MINPP1: variants seen among roughly 807,000 people sequenced by gnomAD.
The protein encoded by MINPP1 is multiple inositol-polyphosphate phosphatase 1.
In MINPP1, 28 loss-of-function variants were observed where a neutral mutation model predicts 46.1. The ratio of observed to expected loss-of-function variants is 0.61; its 90% CI spans 0.45 to 0.83. The LOEUF is 0.83. Ranked by LOEUF, MINPP1 falls within the 40% of genes least tolerant of loss-of-function variation. MINPP1 has a pLI of 0.00. For synonymous variants in MINPP1, 268 were observed against 249.1 expected (o/e 1.08, Z -0.72); for missense variants, 603 against 610.0 (o/e 0.99, Z 0.12).
At position 87,552,320 on chromosome 10, in the gene MINPP1, A is replaced by G; in HGVS notation, c.1306A>G (p.Met436Val). 2 of 1,613,854 alleles carry G rather than the reference A, an allele frequency of 1.2e-6. No individual in the cohort carries two copies. Among genetic ancestry groups the G allele is most frequent in the Non-Finnish European group, 1.7e-6 (2 of 1,179,802 alleles). ...KTPKEQFRVQMLLNEKVLPLA... is the reference protein window; with the variant it reads ...KTPKEQFRVQVLLNEKVLPLA... ...TCCTAAAGAACAATTCCGAGTGCAG[A>G]TGTTATTAAATGAAAAGGTGTTACC... The change falls in exon 5 of 5, where the codon ATG becomes GTG. Residue 436 changes from methionine to valine, a missense_variant. By Grantham distance (21) the Met-to-Val change is conservative (BLOSUM62 1). Around this residue, in one of 3 missense-constraint regions of MINPP1, gnomAD observed 344 missense variants for 381.1 expected, o/e 0.90. Coordinates refer to ENST00000371996, the MANE Select transcript of MINPP1 (RefSeq NM_004897.5).
chr10:87,517,851 G>A (rs1002961771), intron 3 of MINPP1, among the ~76,000 whole-genome samples: 2 of 151,594 alleles, frequency 1.3e-5, no homozygotes, highest in Admixed American at 1.3e-4. Context: ...TAGTAGAGAC[G>A]GGGTTTTGCC....
At chr10:87,531,152 G>A (rs1007931506) in intron 4 of MINPP1, among the ~76,000 whole-genome samples, 4 of 152,172 alleles carry the variant, frequency 2.6e-5, no homozygotes, top group Admixed American at 6.5e-5. Context: ...TGCGCTTCCC[G>A]GGTGAGGCGA....
At chr10:87,511,485 C>G (rs1253896082) in intron 2 of MINPP1, among the ~76,000 whole-genome samples, 2 of 151,594 alleles carry the variant, frequency 1.3e-5, no homozygotes, top group African/African-American at 4.9e-5. Flanking sequence ...AATTTCTTAT[C>G]CACCTGAAAT....
intron 4 of MINPP1, among the ~76,000 whole-genome samples, chr10:87,531,641 A>G (rs1490746890): frequency 6.6e-6 from 1 of 152,218 alleles, no homozygotes; most frequent in Admixed American, 6.5e-5. Context: ...TGAAAATTCA[A>G]AATACTCCAA....
intron 2 of MINPP1, among the ~76,000 whole-genome samples, chr10:87,511,206 G>C (rs1851329645): frequency 6.6e-6 from 1 of 152,046 alleles, no homozygotes; most frequent in Non-Finnish European, 1.5e-5. Context: ...CCTGACAAAG[G>C]ATTCGCCCTT....
At chr10:87,546,708 C>G (rs1261968430) in intron 4 of MINPP1, 1 of 152,234 alleles carries the variant, frequency 6.6e-6, no homozygotes, top group Non-Finnish European at 1.5e-5. Context: ...GAGAGCATCA[C>G]TTGGGGCCAG....
At chr10:87,537,314 A>G (rs757981553) in intron 4 of MINPP1, among the ~76,000 whole-genome samples, 3 of 152,096 alleles carry the variant, frequency 2.0e-5, no homozygotes, top group Non-Finnish European at 4.4e-5. Context: ...CATCCTGCCA[A>G]CGCTTCATAT....
intron 3 of MINPP1, among the ~76,000 whole-genome samples, chr10:87,519,641 C>T (rs981994262): frequency 3.9e-5 from 6 of 152,176 alleles, no homozygotes; most frequent in Admixed American, 1.3e-4. Flanking sequence ...AGCTCCTCCT[C>T]ACCCCTTTAA....
rs747187209 is a variant in MINPP1, at chr10:87,504,919, C to A, written c.4C>A (p.Leu2Ile). 9.4e-5 allele frequency: 152 copies of A among 1,610,282 alleles called. No individual in the cohort carries two copies. The highest frequency in any genetic ancestry group is 1.2e-4 in the Non-Finnish European group (147 of 1,179,170). ...CACTCCACTGACCGTCCCGACGATG[C>A]TACGCGCGCCCGGCTGCCTCCTCCG... M[L>I]RAPGCLLRTS... The change falls in exon 1 of 5, where the codon CTA becomes ATA. Residue 2 changes from leucine (L) to isoleucine (I), a missense_variant. Physicochemically the swap from Leu to Ile is conservative, Grantham distance 5 (BLOSUM62 2). Transcript: ENST00000371996.
chr10:87,527,509 T>C (rs1851594971), intron 4 of MINPP1, among the ~76,000 whole-genome samples: 1 of 152,248 alleles, frequency 6.6e-6, no homozygotes, highest in African/African-American at 2.4e-5. Context: ...AAAGCCCTTT[T>C]CTGCATCTAT....
At position 87,508,360 on chromosome 10, in the gene MINPP1, T is replaced by G; in HGVS notation, c.662T>G (p.Val221Gly). ...VADMEFGPPT[V>G]NDKLMRFFDH... ...GATATGGAGTTTGGACCTCCAACAG[T>G]TAATGATAAACTAATGAGATTTTTT... is the stretch of plus-strand genomic sequence containing the variant. Residue 221 changes from valine (V) to glycine (G), a missense_variant, in exon 2 of 5, where the codon GTT becomes GGT. This residue lies in a region of MINPP1 where 344 missense variants were observed against 381.1 expected (regional missense o/e 0.90). Coordinates refer to ENST00000371996, the MANE Select transcript of MINPP1 (RefSeq NM_004897.5). The G allele has an allele frequency of 6.2e-7, 1 of 1,613,090 alleles. No individual in the cohort carries two copies. The highest frequency in any genetic ancestry group is 8.5e-7 in the Non-Finnish European group (1 of 1,179,682).
chr10:87,548,465 A>G (rs1042170264), intron 4 of MINPP1, among the ~76,000 whole-genome samples: 1 of 152,196 alleles, frequency 6.6e-6, no homozygotes, highest in South Asian at 2.1e-4. Context: ...AACTGAGTGC[A>G]GCTTATTTGC....
chr10:87,519,744 T>C (rs1417540128), intron 3 of MINPP1, among the ~76,000 whole-genome samples: 1 of 152,104 alleles, frequency 6.6e-6, no homozygotes, highest in East Asian at 1.9e-4. Context: ...AGGAGCTCTT[T>C]CGGGAAGAAA....
chr10:87,526,411 ATTTG>A (rs1214952243), intron 4 of MINPP1, among the ~76,000 whole-genome samples: 1 of 152,036 alleles, frequency 6.6e-6, no homozygotes, highest in East Asian at 1.9e-4. Flanking sequence ...TTTCTTGTAA[ATTTG>A]TTTAAGTTCT....
intron 4 of MINPP1, among the ~76,000 whole-genome samples, chr10:87,526,270 G>A (rs1851575814): frequency 1.3e-5 from 2 of 152,246 alleles, no homozygotes; most frequent in East Asian, 3.9e-4. Context: ...TCTCATTGTG[G>A]TTTTGATTTG....
intron 4 of MINPP1, among the ~76,000 whole-genome samples, chr10:87,532,997 A>G (rs962888681): frequency 2.0e-5 from 3 of 148,164 alleles, no homozygotes; most frequent in African/African-American, 7.5e-5. Flanking sequence ...TTTTTTTTGT[A>G]CATGACTTAA....
intron 4 of MINPP1, among the ~76,000 whole-genome samples, chr10:87,544,485 G>A (rs942151415): frequency 6.6e-6 from 1 of 152,178 alleles, no homozygotes; most frequent in African/African-American, 2.4e-5. Flanking sequence ...CTTCCCTGAG[G>A]TTGAGGGATG....
intron 3 of MINPP1, 32 bp downstream of exon 3, chr10:87,513,253 T>G (rs1851361968): frequency 6.4e-7 from 1 of 1,567,336 alleles, no homozygotes; most frequent in Non-Finnish European, 8.8e-7. Context: ...TCTTTGCTTT[T>G]TTAAAAAAAT....
At chr10:87,508,035 G>A (rs1851278470) in intron 1 of MINPP1, 8 of 1,400,026 alleles carry the variant, frequency 5.7e-6, no homozygotes, top group Admixed American at 6.4e-5. Flanking sequence ...AAAGTTTTCC[G>A]TGCCTGACAG....
Sources: allele counts gnomAD v4.1 joint callset (sites outside exome capture counted in the v4.1 genomes callset), GRCh38; gene constraint gnomAD v4.1.1; regional missense constraint gnomAD v4.1.1; transcripts MANE v1.5; gene names NCBI Gene and HGNC (gene_info 2026-07-23, HGNC 2026-07-21).